The following SNX29 variants were observed in gnomAD, a reference collection of about 807,000 sequenced individuals.
The protein encoded by SNX29 is sorting nexin-29.
A neutral mutation model predicts 102.1 loss-of-function variants in SNX29; 78 were observed. The ratio of observed to expected loss-of-function variants is 0.76; its 90% confidence interval spans 0.64 to 0.92. The LOEUF (loss-of-function observed/expected upper bound fraction) is 0.92. Ranked by LOEUF, SNX29 falls within the 40% of genes least tolerant of loss-of-function variation. SNX29 has a pLI of 0.00. For synonymous variants in SNX29, 580 were observed against 414.5 expected, an observed-to-expected ratio of 1.40 and a Z score of -4.85; for missense variants, 1,280 against 1,061.7, an observed-to-expected ratio of 1.21 and a Z score of -2.86.
chr16:12,484,168 A>C (rs1597560986), intron 19 of SNX29, among the ~76,000 whole-genome samples: 1 of 152,104 alleles, frequency 6.6e-6, no homozygotes, highest in South Asian at 2.1e-4. Context: ...TTTTTGCTTG[A>C]GACAGGGTCT....
At chr16:12,068,970 G>A in intron 9 of SNX29, 87 bp from the exon 10 acceptor site, 2 of 1,269,594 alleles carry the variant, frequency 1.6e-6, no homozygotes, top group Non-Finnish European at 2.2e-6. Flanking sequence ...TGTAGCAGAT[G>A]AGCCAATGTC....
intron 18 of SNX29, among the ~76,000 whole-genome samples, chr16:12,475,468 ACT>A (rs1399501708): frequency 2.6e-5 from 4 of 152,278 alleles, no homozygotes; most frequent in South Asian, 2.1e-4. Flanking sequence ...CAGCTTCTTA[ACT>A]CTGCTGTACA....
chr16:12,228,275 C>G (rs892868159), intron 14 of SNX29, among the ~76,000 whole-genome samples: 1 of 152,230 alleles, frequency 6.6e-6, no homozygotes, highest in African/African-American at 2.4e-5. Context: ...CCCTTCCACA[C>G]CCATGGCAGG....
chr16:12,514,110 C>T (rs1212148372), intron 19 of SNX29, among the ~76,000 whole-genome samples: 2 of 152,192 alleles, frequency 1.3e-5, no homozygotes, highest in South Asian at 2.1e-4. Flanking sequence ...GAGTTCCACA[C>T]CTCCCAGCTG....
intron 3 of SNX29, among the ~76,000 whole-genome samples, chr16:12,006,882 G>C (rs976554723): frequency 2.0e-5 from 3 of 152,170 alleles, no homozygotes; most frequent in African/African-American, 7.2e-5. Flanking sequence ...GCCACCCAAA[G>C]TGTTGGTATT....
At chr16:12,345,394 G>C (rs1482349640) in intron 15 of SNX29, among the ~76,000 whole-genome samples, 1 of 152,168 alleles carries the variant, frequency 6.6e-6, no homozygotes, top group African/African-American at 2.4e-5. Flanking sequence ...TAAGACTTCT[G>C]TGTGCGGTTG....
At chr16:12,508,441 G>T (rs1163629428) in intron 19 of SNX29, among the ~76,000 whole-genome samples, 1 of 152,160 alleles carries the variant, frequency 6.6e-6, no homozygotes, top group Non-Finnish European at 1.5e-5. Flanking sequence ...TCTTTTTTCT[G>T]TTGCTTCTGG....
chr16:12,034,748 G>C (rs1166015520), intron 4 of SNX29, among the ~76,000 whole-genome samples: 1 of 152,102 alleles, frequency 6.6e-6, no homozygotes, highest in African/African-American at 2.4e-5. Context: ...TTAAGACTCA[G>C]GCTTGTAATC....
At chr16:12,194,980 A>C (rs908507616) in intron 13 of SNX29, among the ~76,000 whole-genome samples, 1 of 152,208 alleles carries the variant, frequency 6.6e-6, no homozygotes, top group East Asian at 1.9e-4. Flanking sequence ...AGTAAAGTGC[A>C]TTGTTGAAAA....
intron 18 of SNX29, among the ~76,000 whole-genome samples, chr16:12,468,455 C>A (rs11644581): frequency 1.3e-5 from 2 of 152,036 alleles, no homozygotes; most frequent in African/African-American, 2.4e-5. Flanking sequence ...TGAGCCACCA[C>A]GCGCAACCTC....
intron 18 of SNX29, among the ~76,000 whole-genome samples, chr16:12,404,278 G>A (rs1411126148): frequency 1.3e-5 from 2 of 152,168 alleles, no homozygotes; most frequent in Non-Finnish European, 2.9e-5. Context: ...AGTGTCTGGG[G>A]CAGCGAAATG....
chr16:12,369,480 T>G lies in SNX29; in HGVS notation c.1899+13201T>G, dbSNP rs143347278. 5.6e-3 allele frequency among the ~76,000 whole-genome samples: 846 copies of G among 152,204 alleles called. 4 individuals are homozygous for G. Among genetic ancestry groups the G allele is most frequent in the Middle Eastern group, 0.027 (8 of 292 alleles). On this transcript the variant is annotated intron_variant, in intron 16 of 20. Transcript: ENST00000566228. ...TGATGTCATGAGCATGGGAAAGGGG[T>G]TCCTGTGCCTGGGGCAACCGCGTGG...
chr16:12,294,344 G>A (rs563626474), intron 15 of SNX29, among the ~76,000 whole-genome samples: 3 of 152,184 alleles, frequency 2.0e-5, no homozygotes, highest in Non-Finnish European at 4.4e-5. Context: ...GACAGACAGT[G>A]TCACTCTCAG....
intron 15 of SNX29, among the ~76,000 whole-genome samples, chr16:12,283,905 G>T (rs1340660715): frequency 6.6e-6 from 1 of 152,180 alleles, no homozygotes; most frequent in South Asian, 2.1e-4. Context: ...ACTTCTTAGG[G>T]ACTGTTAGTG....
At chr16:12,177,354 G>A (rs769358627) in intron 13 of SNX29, among the ~76,000 whole-genome samples, 1 of 152,182 alleles carries the variant, frequency 6.6e-6, no homozygotes, top group Non-Finnish European at 1.5e-5. Flanking sequence ...GAGGAGAGTG[G>A]AATTGGGCTG....
intron 13 of SNX29, among the ~76,000 whole-genome samples, chr16:12,185,929 G>A (rs1000181254): frequency 6.6e-6 from 1 of 152,180 alleles, no homozygotes; most frequent in African/African-American, 2.4e-5. Context: ...CACTCAAAGT[G>A]TTTCCTAGGT....
chr16:12,551,974 A>C (rs2078005555), intron 20 of SNX29, among the ~76,000 whole-genome samples: 1 of 152,188 alleles, frequency 6.6e-6, no homozygotes, highest in South Asian at 2.1e-4. Context: ...TGCCCAACAC[A>C]GTGCCATGTC....
At chr16:12,270,771 G>A (rs1247748227) in intron 14 of SNX29, among the ~76,000 whole-genome samples, 2 of 152,158 alleles carry the variant, frequency 1.3e-5, no homozygotes, top group Non-Finnish European at 2.9e-5. Flanking sequence ...GCTGGGCACA[G>A]TGGCTCATGT....
chr16:12,433,437 C>G (rs536946783), intron 18 of SNX29, among the ~76,000 whole-genome samples: 63 of 152,112 alleles, frequency 4.1e-4, no homozygotes, highest in African/African-American at 1.3e-3. Flanking sequence ...TTGAGACCAG[C>G]CTGGCCAGTA....
Sources: allele counts gnomAD v4.1 joint callset (sites outside exome capture counted in the v4.1 genomes callset), GRCh38; gene constraint gnomAD v4.1.1; transcripts MANE v1.5; gene names NCBI Gene and HGNC (gene_info 2026-07-23, HGNC 2026-07-21).